DDX54: variants seen among roughly 807,000 people sequenced by gnomAD.
The protein encoded by DDX54 is ATP-dependent RNA helicase DDX54.
Under a neutral mutation model 105.5 loss-of-function variants are expected in DDX54, and 67 were observed. The ratio of observed to expected loss-of-function variants is 0.64; its 90% CI spans 0.52 to 0.78. DDX54 has a LOEUF of 0.78. DDX54 is among the 30% of genes least tolerant of loss of function. DDX54 has a pLI of 0.00. For missense variants in DDX54, 1,206 were observed against 1,230.5 expected (o/e 0.98, Z 0.30); for synonymous variants, 514 against 509.9 (o/e 1.01, Z -0.11).
intron 19 of DDX54, 169 bp from the exon 20 acceptor site, chr12:113,159,278 G>A (rs1342724207): frequency 1.4e-6 from 1 of 720,574 alleles, no homozygotes; most frequent in East Asian, 2.8e-5. Context: ...GCAGCCTCAT[G>A]GAGTGGTCAA....
intron 17 of DDX54, 195 bp downstream of exon 17, chr12:113,162,737 C>T: frequency 1.8e-6 from 1 of 564,092 alleles, no homozygotes; most frequent in Non-Finnish European, 3.1e-6. Flanking sequence ...GCAGCTCACT[C>T]TCTCACTCAC....
In DDX54 at chr12:113,180,980, C is replaced by A. The variant is rs543220332; in HGVS notation, c.253G>T (p.Val85Leu). Residue 85 changes from valine to leucine, a missense_variant, in exon 2 of 20, where the codon GTG becomes TTG. Val to Leu is a conservative substitution (Grantham distance 32). Transcript: ENST00000306014. ...TTCTTCTTCTTGTTCTGGGCACGCA[C>A]CATCTCCCGGGTGTCCGGCTCCACA... ...SDVEPDTREM[V>L]RAQNKKKKKS... 82 of 1,613,662 alleles carry A rather than the reference C, an allele frequency of 5.1e-5. No homozygotes were observed. Among genetic ancestry groups the A allele is most frequent in the Non-Finnish European group, 6.8e-5 (80 of 1,179,866 alleles).
chr12:113,157,719 A>T lies in DDX54; in HGVS notation c.*1158T>A. ...AGCAGCGGGAGAGGGAACCCCTGAG[A>T]GACCCTGAGATAGGAGGGCCCACAT... On this transcript the variant is annotated 3_prime_UTR_variant, in exon 20 of 20. Coordinates refer to ENST00000306014, the MANE Select transcript of DDX54 (RefSeq NM_024072.4). The T allele has an allele frequency of 2.0e-6, 3 of 1,493,288 alleles. No homozygotes were observed. The highest frequency in any genetic ancestry group is 2.4e-5 in the South Asian group (2 of 82,934). 92.5% of individuals were successfully genotyped at this position (1,493,288 alleles called of 1,614,324 possible).
intron 1 of DDX54, chr12:113,183,625 T>C (rs887537488): frequency 1.3e-5 from 2 of 152,274 alleles, no homozygotes; most frequent in Admixed American, 6.5e-5. Flanking sequence ...CTCACACCCA[T>C]CCCTTCATGT....
rs1943775612 is a variant in DDX54 at position 113,164,299 on chromosome 12, A to G, written c.1720-14T>C. On this transcript the variant is annotated splice_polypyrimidine_tract_variant and intron_variant, in intron 14 of 19. Transcript: ENST00000306014. ...CTCAAAGATAGTCTGTGGAGGGGAC[A>G]CCCAGTCCTTTGCCCACTGGCCTCC... is the stretch of plus-strand genomic sequence containing the variant. 1 of 1,570,144 alleles carries G rather than the reference A, an allele frequency of 6.4e-7. No homozygotes were observed. The highest frequency in any genetic ancestry group is 1.3e-5 in the African/African-American group (1 of 74,190).
intron 1 of DDX54, among the ~76,000 whole-genome samples, chr12:113,184,613 C>G (rs1207423866): frequency 6.6e-6 from 1 of 152,070 alleles, no homozygotes; most frequent in Non-Finnish European, 1.5e-5. Context: ...CTGCTTGAGG[C>G]CAGAAGTTCG....
At chr12:113,176,773 G>C in intron 7 of DDX54, 67 bp downstream of exon 7, 2 of 1,557,732 alleles carry the variant, frequency 1.3e-6, no homozygotes, top group South Asian at 1.2e-5. Context: ...CCTTCCTCTG[G>C]TTGACCTCTC....
At position 113,163,373 on chromosome 12, in the gene DDX54, G is replaced by A. The variant is rs1401781984; in HGVS notation, c.1939-99C>T. On this transcript the variant is annotated intron_variant, in intron 15 of 19. Coordinates refer to ENST00000306014, the MANE Select transcript of DDX54 (RefSeq NM_024072.4). This position sits in a 1 kb window ranked among gnomAD's most constrained non-coding sequence, Gnocchi z 5.9. ...CCAGCCTGGCCACAGTGAGGGGCCA[G>A]TGGCTTCTCGGGGACTTTCAAAGCT... 6.7e-7 allele frequency: 1 copy of A among 1,489,472 alleles called. No individual in the cohort carries two copies. The highest frequency in any genetic ancestry group is 2.3e-5 in the East Asian group (1 of 43,460). 92.3% of individuals were successfully genotyped at this position (1,489,472 alleles called of 1,614,324 possible).
At chr12:113,164,885 G>A (rs545994182) in intron 14 of DDX54, among the ~76,000 whole-genome samples, 1 of 152,100 alleles carries the variant, frequency 6.6e-6, no homozygotes, top group East Asian at 1.9e-4. Context: ...AAAATAGCTG[G>A]GTGTGGTGGC....
intron 10 of DDX54, among the ~76,000 whole-genome samples, chr12:113,173,777 G>A (rs1452106647): frequency 1.3e-5 from 2 of 152,156 alleles, no homozygotes; most frequent in South Asian, 2.1e-4. Context: ...GGGAACTAAC[G>A]GATGAAGGTC....
In DDX54 at chr12:113,161,479, C is replaced by CG; in HGVS notation, c.2301-98dup. The CG allele has an allele frequency of 6.0e-6, 6 of 995,660 alleles. No individual in the cohort carries two copies. In the South Asian group the frequency reaches 9.3e-5, roughly 15 times the overall value. The allele number at this position is 995,660 out of a possible 1,614,324, so 61.7% of individuals were successfully genotyped here. A position where few individuals can be genotyped will look rare whatever the true frequency, so the allele number is the denominator to read the frequency against. On this transcript the variant is annotated intron_variant, in intron 18 of 19. Transcript: ENST00000306014. Reference sequence around the variant, plus strand: ...GCAGACAGAGTTCCGTTATCCCAGCCGCAGCTGAAGCTGCTCGGCCCCGCC... The same window carrying CG: ...GCAGACAGAGTTCCGTTATCCCAGCCGGCAGCTGAAGCTGCTCGGCCCCGCC...
In DDX54 at chr12:113,163,082, G is replaced by T; in HGVS notation, c.2082-37C>A. On this transcript the variant is annotated intron_variant, in intron 16 of 19. Coordinates refer to ENST00000306014, the MANE Select transcript of DDX54 (RefSeq NM_024072.4). This position sits in a 1 kb window ranked among gnomAD's most constrained non-coding sequence, Gnocchi z 5.9. ...GAGTGGGAGACATAATTGGATTGAT[G>T]GGACCCAGCGGACCCAACTGCCCCA... The T allele has an allele frequency of 6.2e-7, 1 of 1,609,446 alleles. No individual in the cohort carries two copies. The highest frequency in any genetic ancestry group is 8.5e-7 in the Non-Finnish European group (1 of 1,178,810).
chr12:113,169,993 C>T, intron 11 of DDX54, 89 bp from the exon 12 acceptor site: 3 of 1,533,618 alleles, frequency 2.0e-6, no homozygotes, highest in Non-Finnish European at 1.8e-6. Context: ...AGCAGGTGAG[C>T]CTGGCCAAGC....
chr12:113,159,799 A>T (rs1418888773), intron 19 of DDX54, among the ~76,000 whole-genome samples: 3 of 152,096 alleles, frequency 2.0e-5, no homozygotes, highest in Non-Finnish European at 4.4e-5. Context: ...CAGGTAGTCC[A>T]TTCTTCTAGT....
chr12:113,179,487 A>T (rs1443214410), intron 3 of DDX54, among the ~76,000 whole-genome samples, 156 bp from the exon 4 acceptor site: 1 of 152,186 alleles, frequency 6.6e-6, no homozygotes, highest in Non-Finnish European at 1.5e-5. Flanking sequence ...CCATTCTTTC[A>T]AAAGCCTGTT....
intron 1 of DDX54, among the ~76,000 whole-genome samples, chr12:113,184,270 CG>C (rs370776608): frequency 2.0e-5 from 3 of 151,930 alleles, no homozygotes; most frequent in Middle Eastern, 3.4e-3. Flanking sequence ...TTTGTAGAGA[CG>C]GGGTCTGCCT....
intron 12 of DDX54, among the ~76,000 whole-genome samples, chr12:113,166,535 T>A (rs1264770334): frequency 6.6e-6 from 1 of 152,078 alleles, no homozygotes; most frequent in Admixed American, 6.6e-5. Flanking sequence ...ACTCCATGTC[T>A]ACAATAAATT....
intron 7 of DDX54, among the ~76,000 whole-genome samples, chr12:113,176,094 C>A (rs1952400185): frequency 6.6e-6 from 1 of 152,008 alleles, no homozygotes; most frequent in African/African-American, 2.4e-5. Flanking sequence ...TCACAACACC[C>A]CTGTGAGGTA....
chr12:113,161,659 G>C (rs1251060935), intron 18 of DDX54, among the ~76,000 whole-genome samples: 1 of 148,596 alleles, frequency 6.7e-6, no homozygotes, highest in Non-Finnish European at 1.5e-5. Context: ...TGCTGCTGAA[G>C]CTGCTGGGCC....
Sources: gnomAD v4.1 joint callset for allele counts (sites outside exome capture counted in the v4.1 genomes callset) on GRCh38, gnomAD v4.1.1 for gene constraint, Gnocchi (gnomAD v3.1) non-coding constraint, MANE v1.5 for transcripts, NCBI Gene and HGNC (gene_info 2026-07-23, HGNC 2026-07-21) for gene names.